Variants in BOP1 observed in about 807,000 individuals in gnomAD.
BOP1 encodes ribosome biogenesis protein BOP1.
In BOP1, 54 loss-of-function variants were observed where a neutral mutation model predicts 82.9. The observed-to-expected ratio is 0.65, with a 90% CI of 0.52 to 0.82. The LOEUF (loss-of-function observed/expected upper bound fraction) is 0.82, where lower values mean the gene tolerates loss of function less well. BOP1 is among the 40% of genes least tolerant of loss of function. The pLI, the probability that BOP1 is intolerant of heterozygous loss-of-function variation, is 0.00. For synonymous variants in BOP1, 566 were observed against 451.1 expected (o/e 1.25, Z -3.23); for missense variants, 1,170 against 1,072.0 (o/e 1.09, Z -1.28).
intron 3 of BOP1, among the ~76,000 whole-genome samples, chr8:144,270,654 G>A (rs1052297231): frequency 1.6e-4 from 25 of 152,228 alleles, no homozygotes; most frequent in East Asian, 3.9e-4. Flanking sequence ...ACCGGGGGTG[G>A]CGTGGGCTGA....
intron 2 of BOP1, among the ~76,000 whole-genome samples, chr8:144,286,757 G>A (rs918840627): frequency 6.6e-6 from 1 of 152,242 alleles, no homozygotes; most frequent in Non-Finnish European, 1.5e-5. Context: ...TGCCACCTCA[G>A]GCCCTGCTGG....
intron 3 of BOP1, chr8:144,266,811 AG>A: frequency 3.5e-6 from 4 of 1,155,902 alleles, no homozygotes; most frequent in South Asian, 3.8e-5. Context: ...GCGGGGGGCC[AG>A]GGGGCCGGCC....
chr8:144,274,564 T>C (rs933393315), intron 3 of BOP1, among the ~76,000 whole-genome samples: 3 of 152,242 alleles, frequency 2.0e-5, no homozygotes, highest in Non-Finnish European at 2.9e-5. Flanking sequence ...AGCTGAGCTC[T>C]GCCGCCCCCT....
In BOP1 at chr8:144,262,394, A is replaced by G; in HGVS notation, c.2087+2T>C. On this transcript the variant is annotated splice_donor_variant, in intron 15 of 15. Coordinates refer to ENST00000569669, the MANE Select transcript of BOP1 (RefSeq NM_015201.5). LOFTEE classifies it high-confidence loss of function. ...AGGGGGCCAGGCAGGGTCAGCACTC[A>G]CTTGTACACCATGCCATGGCAGACG... 1 of 1,612,674 alleles carries G rather than the reference A, an allele frequency of 6.2e-7. No individual in the cohort carries two copies. The highest frequency in any genetic ancestry group is 8.5e-7 in the Non-Finnish European group (1 of 1,179,814).
intron 13 of BOP1, 25 bp from the exon 14 acceptor site, chr8:144,262,697 G>T: frequency 6.2e-7 from 1 of 1,611,380 alleles, no homozygotes; most frequent in South Asian, 1.1e-5. Context: ...TGTGATGCAG[G>T]TGTTCCCGCT....
At chr8:144,267,313 G>T in intron 3 of BOP1, 2 of 1,118,318 alleles carry the variant, frequency 1.8e-6, no homozygotes, top group Non-Finnish European at 2.3e-6. Flanking sequence ...TGTAACACAG[G>T]CCTGCCGGGG....
chr8:144,263,117 C>T lies in BOP1; in HGVS notation c.1630G>A (p.Gly544Arg), dbSNP rs782523177. The change falls in exon 13 of 16, where the codon GGG (glycine) becomes AGG (arginine). Residue 544 changes from glycine (G) to arginine (R), a missense_variant. By Grantham distance (125) the Gly-to-Arg change is moderately radical (BLOSUM62 -2). Coordinates refer to ENST00000569669, the MANE Select transcript of BOP1 (RefSeq NM_015201.5). ...ACCACGGCCAGGTAGTCCCCACGCC[C>T]GTGCCAGGTCACCTGCGTCACTGGC... The part of the protein sequence containing the change: ...GKPVTQVTWH[G>R]RGDYLAVVLA... 8.8e-4 allele frequency: 1,397 copies of T among 1,593,610 alleles called. 1 individual carries two copies. The highest frequency in any genetic ancestry group is 1.0e-3 in the Non-Finnish European group (1,177 of 1,178,762).
chr8:144,278,103 G>C (rs1845599251), intron 2 of BOP1, among the ~76,000 whole-genome samples: 1 of 152,194 alleles, frequency 6.6e-6, no homozygotes, highest in Non-Finnish European at 1.5e-5. Context: ...GGAGGGGTCG[G>C]GCCCGATGGA....
chr8:144,264,240 C>T lies in BOP1; in HGVS notation c.963G>A (p.Leu321=). The T allele has an allele frequency of 6.2e-7, 1 of 1,609,390 alleles. No individual in the cohort carries two copies. Among genetic ancestry groups the T allele is most frequent in the Non-Finnish European group, 8.5e-7 (1 of 1,178,800 alleles). Residue 321 remains leucine (L), a synonymous_variant, in exon 7 of 16, where the codon CTG becomes CTA. Coordinates refer to ENST00000569669, the MANE Select transcript of BOP1 (RefSeq NM_015201.5). ...GCAGGCCCACCTCCTCCTCGCTGAG[C>T]AGGTATTCAGGGGGTGGGTTGTACG... ...AESYNPPPEY[L]LSEEERLAWE... is the part of the protein sequence containing the mutation.
chr8:144,268,731 G>A (rs1258775611), intron 3 of BOP1, among the ~76,000 whole-genome samples: 2 of 152,102 alleles, frequency 1.3e-5, no homozygotes, highest in East Asian at 1.9e-4. Context: ...CGGGAGAGAG[G>A]GTGGGGGAGG....
intron 11 of BOP1, 34 bp downstream of exon 11, chr8:144,263,444 C>T (rs1439151209): frequency 1.1e-5 from 17 of 1,597,682 alleles, no homozygotes; most frequent in Non-Finnish European, 1.4e-5. Context: ...ACAGTGCCAC[C>T]CCTGGCTCCC....
At chr8:144,274,513 T>C (rs915165916) in intron 3 of BOP1, among the ~76,000 whole-genome samples, 164 of 152,330 alleles carry the variant, frequency 1.1e-3, no homozygotes, top group African/African-American at 3.8e-3. Context: ...CGCACTTCTC[T>C]GGACGGGAGG....
At chr8:144,273,286 C>G (rs57005697) in intron 3 of BOP1, among the ~76,000 whole-genome samples, 1 of 152,200 alleles carries the variant, frequency 6.6e-6, no homozygotes, top group Non-Finnish European at 1.5e-5. Flanking sequence ...GGGCTCTGGA[C>G]GCAGACAGGC....
chr8:144,267,188 C>CG (rs1407742883), intron 3 of BOP1: 79 of 1,518,174 alleles, frequency 5.2e-5, no homozygotes, highest in Non-Finnish European at 6.4e-5. Flanking sequence ...TTGGTGAGCA[C>CG]GGGCCGTGGG....
In BOP1 at chr8:144,264,924, C is replaced by T; in HGVS notation, c.538G>A (p.Asp180Asn). Residue 180 changes from aspartate to asparagine, a missense_variant, in exon 4 of 16, where the codon GAC becomes AAC. Asp to Asn is a conservative substitution (Grantham distance 23). Transcript: ENST00000569669. ...CACCCCACCAGCCCTCACCAGTAGT[C>T]AGGATCGTCCATCTTGTCCAGGAAC... ...DQFLDKMDDP[D>N]YWRTVQDPMT... is the part of the protein sequence containing the mutation. 2 of 1,611,490 alleles carry T rather than the reference C, an allele frequency of 1.2e-6. No individual in the cohort carries two copies. The highest frequency in any genetic ancestry group is 1.7e-5 in the Admixed American group (1 of 59,984).
At chr8:144,277,773 C>T (rs1256979499) in intron 2 of BOP1, among the ~76,000 whole-genome samples, 1 of 66,044 alleles carries the variant, frequency 1.5e-5, no homozygotes, top group Admixed American at 2.1e-4. Flanking sequence ...GGCGCTCAGC[C>T]AGGCCCAGCG....
intron 3 of BOP1, among the ~76,000 whole-genome samples, chr8:144,271,357 C>T (rs1554837767): frequency 6.6e-6 from 1 of 152,124 alleles, no homozygotes; most frequent in Admixed American, 6.5e-5. Flanking sequence ...GCCGGCCCAC[C>T]TCTGGAATCC....
In BOP1 at chr8:144,289,252, C is replaced by T. The variant is rs879954414; in HGVS notation, c.152G>A (p.Gly51Asp). The T allele has an allele frequency of 6.2e-7, 1 of 1,613,998 alleles. No individual in the cohort carries two copies. The highest frequency in any genetic ancestry group is 2.2e-5 in the East Asian group (1 of 44,878). ...CACACTTTCCTCGCTGTCGGAGACG[C>T]CAGAATCGCTGCCGGTGCTGTGGCT... is the stretch of plus-strand genomic sequence containing the variant. ...PLSHSTGSDS[G>D]VSDSEESVFS... Residue 51 changes from glycine to aspartate, a missense_variant, in exon 2 of 16, where the codon GGC (glycine) becomes GAC (aspartate). Physicochemically the swap from Gly to Asp is moderately conservative, Grantham distance 94. Coordinates refer to ENST00000569669, the MANE Select transcript of BOP1 (RefSeq NM_015201.5).
intron 2 of BOP1, among the ~76,000 whole-genome samples, chr8:144,286,724 C>G (rs1205615155): frequency 6.6e-6 from 1 of 152,214 alleles, no homozygotes; most frequent in African/African-American, 2.4e-5. Flanking sequence ...CTCTGAGGAC[C>G]GCCCCACCAG....
Sources: gnomAD v4.1 joint callset for allele counts (sites outside exome capture counted in the v4.1 genomes callset) on GRCh38, gnomAD v4.1.1 for gene constraint, MANE v1.5 for transcripts, NCBI Gene and HGNC (gene_info 2026-07-23, HGNC 2026-07-21) for gene names.